CARD10: variants seen among roughly 807,000 people sequenced by gnomAD.
CARD10 encodes the protein caspase recruitment domain family member 10, also known as caspase recruitment domain-containing protein 10.
A neutral mutation model predicts 114.6 loss-of-function variants in CARD10; 49 were observed. That is an observed-to-expected ratio of 0.43 (90% CI 0.34 to 0.54). CARD10 has a LOEUF of 0.54. Among genes scored for constraint, CARD10 ranks in the 20% least tolerant of loss-of-function variants. The pLI is 0.03. For missense variants in CARD10, 1,206 were observed against 1,397.2 expected, an observed-to-expected ratio of 0.86 and a Z score of 2.18; for synonymous variants, 602 against 593.2, an observed-to-expected ratio of 1.01 and a Z score of -0.21.
chr22:37,497,277 G>A, intron 11 of CARD10, 99 bp from the exon 12 acceptor site: 2 of 1,278,188 alleles, frequency 1.6e-6, no homozygotes, highest in Non-Finnish European at 2.2e-6. Context: ...TCCCAAGTAT[G>A]CCATGACTCC....
Position 37,516,138 on chromosome 22 carries a change from C to A in CARD10, c.534G>T (p.Gln178His). 1 of 1,595,628 alleles carries A rather than the reference C, an allele frequency of 6.3e-7. No homozygotes were observed. Among genetic ancestry groups the A allele is most frequent in the Non-Finnish European group, 8.5e-7 (1 of 1,171,764 alleles). The change falls in exon 3 of 20, where the codon CAG becomes CAT. Residue 178 changes from glutamine (Q) to histidine (H), a missense_variant. Transcript: ENST00000251973. ...RAGLEQRLRD[Q>H]QQAQERCQRL... ...GTTGACAGCGCTCCTGAGCCTGCTG[C>A]TGGTCCCGCAGCCGCTGCTCCAGCC...
rs1424251907 is a variant in CARD10, at chr22:37,493,038, C to T, written c.2477-236G>A. ...ATTCTCCATCCAGCAGCCAGAGAGG[C>T]TTTAAAAAGCAAATCAGATCATGTT... On this transcript the variant is annotated intron_variant, in intron 16 of 19. Coordinates refer to ENST00000251973, the MANE Select transcript of CARD10 (RefSeq NM_014550.4). Among the ~76,000 whole-genome samples the T allele has an allele frequency of 3.3e-5, 5 of 152,138 alleles. No individual in the cohort carries two copies. The East Asian group carries it at 9.6e-4, about 29-fold the overall frequency.
In CARD10 at chr22:37,501,052, C is replaced by T. The variant is rs1923193931; in HGVS notation, c.1787+1550G>A. Among the ~76,000 whole-genome samples, 1 of 152,146 alleles carries T rather than the reference C, an allele frequency of 6.6e-6. No individual in the cohort carries two copies. Among genetic ancestry groups the T allele is most frequent in the Admixed American group, 6.5e-5 (1 of 15,270 alleles). Reference sequence around the variant, plus strand: ...TCTTCCCACCTCGCCATAACACAATCCCAGGAGACACACAAGTTGCCCCGA... The same window carrying T: ...TCTTCCCACCTCGCCATAACACAATTCCAGGAGACACACAAGTTGCCCCGA... On this transcript the variant is annotated intron_variant, in intron 11 of 19. Transcript: ENST00000251973. This position sits in a 1 kb window ranked among gnomAD's most constrained non-coding sequence, Gnocchi z 5.4.
chr22:37,517,975 G>A lies in CARD10; in HGVS notation c.369C>T (p.Ile123=). ...ATCCACCGCAGATCCACTCACCGAG[G>A]ATCATGGAGCAGCGCTGGGCGGGTT... ...GQEPAQRCSM[I]LDEEGPEGLT... The change falls in exon 2 of 20, where the codon ATC becomes ATT. Residue 123 remains isoleucine, a synonymous_variant. Coordinates refer to ENST00000251973, the MANE Select transcript of CARD10 (RefSeq NM_014550.4). The A allele has an allele frequency of 6.2e-7, 1 of 1,613,324 alleles. No individual in the cohort carries two copies. Among genetic ancestry groups the A allele is most frequent in the Non-Finnish European group, 8.5e-7 (1 of 1,179,514 alleles).
At chr22:37,508,250 T>A (rs1923482768) in intron 5 of CARD10, among the ~76,000 whole-genome samples, 2 of 152,200 alleles carry the variant, frequency 1.3e-5, no homozygotes, top group African/African-American at 4.8e-5. Flanking sequence ...ACGGTGCTCA[T>A]CGCCTTTGAC....
chr22:37,509,048 C>A, intron 4 of CARD10: 1 of 1,549,948 alleles, frequency 6.5e-7, no homozygotes, highest in Non-Finnish European at 8.7e-7. Context: ...AAGACCTACT[C>A]CCACCCCCAT....
At position 37,501,399 on chromosome 22, in the gene CARD10, G is replaced by A. The variant is rs1245990493; in HGVS notation, c.1787+1203C>T. On this transcript the variant is annotated intron_variant, in intron 11 of 19. Coordinates refer to ENST00000251973, the MANE Select transcript of CARD10 (RefSeq NM_014550.4). This position sits in a 1 kb window ranked among gnomAD's most constrained non-coding sequence, Gnocchi z 5.4. ...GGCCGAGGCGAGCAGGAAGGGAGGC[G>A]CCTCCACCCCTTCCCCGAGAAGCAC... Among the ~76,000 whole-genome samples, 2 of 152,066 alleles carry A rather than the reference G, an allele frequency of 1.3e-5. No individual in the cohort carries two copies. Among genetic ancestry groups the A allele is most frequent in the South Asian group, 2.1e-4 (1 of 4,818 alleles).
intron 3 of CARD10, chr22:37,510,702 G>A: frequency 2.2e-6 from 1 of 451,482 alleles, no homozygotes; most frequent in South Asian, 3.7e-5. Context: ...ACGACACGCT[G>A]TCTGTCCCGC....
Position 37,491,277 on chromosome 22 carries a change from C to A in CARD10, c.2981G>T (p.Trp994Leu). The stretch of plus-strand genomic sequence containing the variant: ...CTTGGCCAGCTCCTCTGCGTGTCCC[C>A]ACTCATGGGCGGGCACCTGCACCCA... Reference protein sequence around the residue: ...CSWVQVPAHEWGHAEELAKVV... With the variant: ...CSWVQVPAHELGHAEELAKVV... Residue 994 changes from tryptophan (W) to leucine (L), a missense_variant, in exon 20 of 20, where the codon TGG becomes TTG. By Grantham distance (61) the Trp-to-Leu change is moderately conservative. This residue lies in a region of CARD10 where 1,068 missense variants were observed against 1,179.1 expected (regional missense o/e 0.91). Transcript: ENST00000251973. The A allele has an allele frequency of 6.4e-7, 1 of 1,570,012 alleles. No individual in the cohort carries two copies. The highest frequency in any genetic ancestry group is 2.3e-5 in the East Asian group (1 of 43,140).
At chr22:37,493,093 T>C (rs1288748766) in intron 16 of CARD10, among the ~76,000 whole-genome samples, 4 of 152,168 alleles carry the variant, frequency 2.6e-5, no homozygotes. Context: ...CACCAGTGAC[T>C]TCCCAGATTC....
intron 14 of CARD10, 76 bp from the exon 15 acceptor site, chr22:37,495,662 C>T: frequency 6.2e-7 from 1 of 1,610,788 alleles, no homozygotes; most frequent in Admixed American, 1.7e-5. Flanking sequence ...CCGCCCTGTC[C>T]CAGAGGATGG....
rs1459609602 is a variant in CARD10, at chr22:37,519,249, G to A, written c.-49C>T. 1.4e-6 allele frequency: 2 copies of A among 1,445,576 alleles called. No homozygotes were observed. Among genetic ancestry groups the A allele is most frequent in the African/African-American group, 1.5e-5 (1 of 68,398 alleles). The allele number at this position is 1,445,576 out of a possible 1,614,324, so 89.5% of individuals were successfully genotyped here. The stretch of plus-strand genomic sequence containing the variant: ...GCAAGAGGCGCACGGGGGTCGACCA[G>A]GGCTCCCTAGGGCTAGATGTGCGGC... On this transcript the variant is annotated 5_prime_UTR_variant, in exon 1 of 20. Transcript: ENST00000251973. The surrounding 1 kb of genome is among the most constrained non-coding windows in gnomAD (Gnocchi z 4.1).
intron 11 of CARD10, among the ~76,000 whole-genome samples, chr22:37,500,268 G>A (rs895113268): frequency 2.6e-5 from 4 of 152,186 alleles, no homozygotes; most frequent in Non-Finnish European, 5.9e-5. Flanking sequence ...AATGACTTAT[G>A]GGAACCCTCT....
intron 11 of CARD10, among the ~76,000 whole-genome samples, chr22:37,498,451 A>C (rs965408009): frequency 6.6e-6 from 1 of 152,230 alleles, no homozygotes; most frequent in African/African-American, 2.4e-5. Context: ...GACCAAGGTC[A>C]GCAGGTGTGC....
chr22:37,507,751 C>T (rs2145767377), intron 6 of CARD10, 78 bp downstream of exon 6: 1 of 1,553,846 alleles, frequency 6.4e-7, no homozygotes, highest in Non-Finnish European at 8.9e-7. Context: ...CATTCTAGTC[C>T]CCTCCATTGC....
At chr22:37,493,160 G>C (rs568241553) in intron 16 of CARD10, among the ~76,000 whole-genome samples, 120 of 152,256 alleles carry the variant, frequency 7.9e-4, no homozygotes, top group African/African-American at 2.8e-3. Flanking sequence ...TGAGAGCCTG[G>C]GGAGGCTGCC....
chr22:37,491,724 CCCT>C, intron 19 of CARD10, 28 bp downstream of exon 19: 1 of 1,242,120 alleles, frequency 8.1e-7, no homozygotes, highest in Non-Finnish European at 1.2e-6. Flanking sequence ...GGTCCGAGTG[CCCT>C]GCCCACTGCC....
chr22:37,494,717 G>A (rs879609946), intron 15 of CARD10: 1 of 166,320 alleles, frequency 6.0e-6, no homozygotes, highest in Non-Finnish European at 1.3e-5. Context: ...CAGCCTGACA[G>A]GCAGTACAAC....
intron 11 of CARD10, among the ~76,000 whole-genome samples, chr22:37,499,762 G>A (rs939661845): frequency 2.0e-5 from 3 of 152,070 alleles, no homozygotes; most frequent in Admixed American, 2.0e-4. Context: ...GAGCCCACAG[G>A]GGCTTGCCCA....
Sources: gnomAD v4.1 joint callset for allele counts (sites outside exome capture counted in the v4.1 genomes callset) on GRCh38, gnomAD v4.1.1 for gene constraint, gnomAD v4.1.1 regional missense constraint, Gnocchi (gnomAD v3.1) non-coding constraint, MANE v1.5 for transcripts, NCBI Gene and HGNC (gene_info 2026-07-23, HGNC 2026-07-21) for gene names.